PLD5: variants seen among roughly 807,000 people sequenced by gnomAD.
The protein encoded by PLD5 is phospholipase D family member 5.
A neutral mutation model predicts 61.1 loss-of-function variants in PLD5; 36 were observed. The observed-to-expected ratio is 0.59, with a 90% CI of 0.45 to 0.78. The LOEUF is 0.78. PLD5 is among the 30% of genes least tolerant of loss of function. The pLI, the probability that PLD5 is intolerant of heterozygous loss-of-function variation, is 0.00. For synonymous variants in PLD5, 243 were observed against 242.8 expected, an observed-to-expected ratio of 1.00 and a Z score of -0.01; for missense variants, 515 against 644.4, an observed-to-expected ratio of 0.80 and a Z score of 2.17.
chr1:242,217,607 A>G (rs551124067), intron 5 of PLD5, among the ~76,000 whole-genome samples: 1 of 152,294 alleles, frequency 6.6e-6, no homozygotes, highest in East Asian at 1.9e-4. Context: ...CAAGAGCAGA[A>G]CTCCAAAACT....
At chr1:242,189,896 T>C (rs1469914757) in intron 5 of PLD5, among the ~76,000 whole-genome samples, 1 of 152,076 alleles carries the variant, frequency 6.6e-6, no homozygotes, top group African/African-American at 2.4e-5. Flanking sequence ...GGTCAGTGCC[T>C]CAGGAACACC....
chr1:242,314,950 T>C (rs1013778485), intron 2 of PLD5, among the ~76,000 whole-genome samples: 1 of 152,192 alleles, frequency 6.6e-6, no homozygotes, highest in Non-Finnish European at 1.5e-5. Flanking sequence ...CCTAAAATGC[T>C]TCCTAATTTC....
intron 5 of PLD5, among the ~76,000 whole-genome samples, chr1:242,170,376 C>T (rs1666659657): frequency 6.6e-6 from 1 of 152,134 alleles, no homozygotes; most frequent in African/African-American, 2.4e-5. Context: ...AAAGGAATAG[C>T]ATATCCACTC....
chr1:242,313,096 C>T (rs1417458749), intron 2 of PLD5, among the ~76,000 whole-genome samples: 1 of 152,208 alleles, frequency 6.6e-6, no homozygotes, highest in Non-Finnish European at 1.5e-5. Context: ...TTAGCACAGA[C>T]TTTGCATGTA....
intron 2 of PLD5, among the ~76,000 whole-genome samples, chr1:242,332,931 C>T (rs1659275545): frequency 6.6e-6 from 1 of 152,186 alleles, no homozygotes; most frequent in Admixed American, 6.5e-5. Flanking sequence ...GGACAGGTAC[C>T]TCACAGGGAA....
At chr1:242,456,011 G>A (rs1481737373) in intron 1 of PLD5, among the ~76,000 whole-genome samples, 1 of 152,210 alleles carries the variant, frequency 6.6e-6, no homozygotes, top group Admixed American at 6.5e-5. Flanking sequence ...TGTCCTTCCA[G>A]GACATTACAA....
At chr1:242,112,857 C>T (rs1661636333) in intron 7 of PLD5, among the ~76,000 whole-genome samples, 2 of 152,172 alleles carry the variant, frequency 1.3e-5, no homozygotes, top group Non-Finnish European at 2.9e-5. Flanking sequence ...TCTGCATTCC[C>T]AGCACGAAAG....
intron 4 of PLD5, among the ~76,000 whole-genome samples, chr1:242,252,223 A>G (rs1338973170): frequency 6.6e-6 from 1 of 152,242 alleles, no homozygotes; most frequent in Non-Finnish European, 1.5e-5. Context: ...GTTCATGCTG[A>G]ACAGCCTGCT....
At chr1:242,485,437 C>G (rs1667926762) in intron 1 of PLD5, among the ~76,000 whole-genome samples, 1 of 152,032 alleles carries the variant, frequency 6.6e-6, no homozygotes, top group African/African-American at 2.4e-5. Flanking sequence ...AACAGAGACC[C>G]AAATCATGAG....
Position 242,087,371 on chromosome 1 carries a change from G to A in PLD5, c.*2483C>T, listed in dbSNP as rs149029965. 9 of 152,198 alleles carry A rather than the reference G, an allele frequency of 5.9e-5. No individual in the cohort carries two copies. The South Asian group carries it at 6.2e-4, about 11-fold the overall frequency. 9.4% of individuals were successfully genotyped at this position (152,198 alleles called of 1,614,324 possible). A position where few individuals can be genotyped will look rare whatever the true frequency, so the allele number is the denominator to read the frequency against. ...CCGTAATGGATGACATTCTCTTCTC[G>A]TAGCACATACAGCAGATAGTGACAG... On this transcript the variant is annotated 3_prime_UTR_variant, in exon 10 of 10. Transcript: ENST00000536534.
intron 1 of PLD5, among the ~76,000 whole-genome samples, chr1:242,391,225 T>C (rs894136603): frequency 4.6e-5 from 7 of 152,124 alleles, no homozygotes; most frequent in African/African-American, 1.7e-4. Flanking sequence ...GCTCCTGTTG[T>C]AGTATTTCTG....
At chr1:242,433,708 T>C (rs919526363) in intron 1 of PLD5, among the ~76,000 whole-genome samples, 1 of 152,090 alleles carries the variant, frequency 6.6e-6, no homozygotes, top group African/African-American at 2.4e-5. Context: ...CCGATGGTAA[T>C]ATGTATTATT....
chr1:242,334,473 C>A (rs533609982), intron 2 of PLD5, among the ~76,000 whole-genome samples: 1 of 152,086 alleles, frequency 6.6e-6, no homozygotes, highest in East Asian at 1.9e-4. Context: ...CAGGAAACGC[C>A]GTGATATGAG....
At chr1:242,458,006 C>T (rs906053802) in intron 1 of PLD5, among the ~76,000 whole-genome samples, 22 of 152,118 alleles carry the variant, frequency 1.4e-4, no homozygotes, top group African/African-American at 4.8e-4. Context: ...TTTTAGGTAT[C>T]GACCTTTGTG....
intron 2 of PLD5, among the ~76,000 whole-genome samples, chr1:242,303,856 C>T (rs551624816): frequency 5.9e-5 from 9 of 152,248 alleles, no homozygotes; most frequent in African/African-American, 1.4e-4. Context: ...CACGAGAGGG[C>T]GATTATATGT....
intron 5 of PLD5, among the ~76,000 whole-genome samples, chr1:242,157,598 G>T (rs980550275): frequency 1.3e-5 from 2 of 152,182 alleles, no homozygotes; most frequent in African/African-American, 2.4e-5. Context: ...CCCCTCTGCT[G>T]CAGGTCTGCT....
At chr1:242,201,872 G>A (rs895767781) in intron 5 of PLD5, among the ~76,000 whole-genome samples, 12 of 152,108 alleles carry the variant, frequency 7.9e-5, no homozygotes, top group Non-Finnish European at 1.6e-4. Flanking sequence ...AATTGATGGA[G>A]GCCAGATTTT....
chr1:242,291,273 C>G (rs1367616173), intron 2 of PLD5, among the ~76,000 whole-genome samples: 1 of 152,158 alleles, frequency 6.6e-6, no homozygotes, highest in African/African-American at 2.4e-5. Flanking sequence ...ATATCAACTT[C>G]TGCAGTGACC....
chr1:242,097,872 G>C (rs1239982145), intron 9 of PLD5, among the ~76,000 whole-genome samples: 1 of 152,096 alleles, frequency 6.6e-6, no homozygotes, highest in East Asian at 1.9e-4. Flanking sequence ...GGGTTTTTGT[G>C]GTTTTAGGTC....
Sources: gnomAD v4.1 joint callset for allele counts (sites outside exome capture counted in the v4.1 genomes callset) on GRCh38, gnomAD v4.1.1 for gene constraint, MANE v1.5 for transcripts, NCBI Gene and HGNC (gene_info 2026-07-23, HGNC 2026-07-21) for gene names.